The following ARMH3 variants were observed in gnomAD, a reference collection of about 807,000 sequenced individuals.
ARMH3 encodes armadillo like helical domain containing 3, also known as armadillo-like helical domain-containing protein 3.
ARMH3 carries 60 observed loss-of-function variants against 99.1 expected under a neutral mutation model. The observed-to-expected ratio is 0.61, with a 90% CI of 0.49 to 0.75. The LOEUF (loss-of-function observed/expected upper bound fraction) is 0.75, where lower values mean the gene tolerates loss of function less well. Among genes scored for constraint, ARMH3 ranks in the 30% least tolerant of loss-of-function variants. The probability of loss-of-function intolerance (pLI) is 0.00; values close to 1 mark genes in which losing one functional copy is unlikely to be tolerated. For synonymous variants in ARMH3, 285 were observed against 292.8 expected, an observed-to-expected ratio of 0.97 and a Z score of 0.27; for missense variants, 679 against 843.1, an observed-to-expected ratio of 0.81 and a Z score of 2.41.
chr10:101,955,892 A>C (rs1276754418), intron 22 of ARMH3, among the ~76,000 whole-genome samples: 6 of 148,418 alleles, frequency 4.0e-5, no homozygotes, highest in African/African-American at 1.5e-4. Context: ...TATAATTAAA[A>C]TGTGTGCAGT....
At chr10:102,050,876 G>T (rs762901705) in intron 1 of ARMH3, among the ~76,000 whole-genome samples, 8 of 142,224 alleles carry the variant, frequency 5.6e-5, no homozygotes, top group Non-Finnish European at 1.1e-4. Context: ...AAAAAAAAAA[G>T]GCCAGGCATG....
intron 1 of ARMH3, among the ~76,000 whole-genome samples, chr10:102,052,680 C>G (rs150132632): frequency 1.3e-5 from 2 of 152,270 alleles, no homozygotes; most frequent in African/African-American, 4.8e-5. Context: ...ACAGTCCCTG[C>G]CTTGAGAAGC....
At chr10:101,965,665 A>T (rs1340912346) in intron 20 of ARMH3, among the ~76,000 whole-genome samples, 1 of 152,224 alleles carries the variant, frequency 6.6e-6, no homozygotes, top group Non-Finnish European at 1.5e-5. Flanking sequence ...CTGCAGTAAA[A>T]TATTTGAGGT....
intron 22 of ARMH3, among the ~76,000 whole-genome samples, chr10:101,951,218 C>G (rs113645342): frequency 1.3e-5 from 2 of 152,142 alleles, no homozygotes; most frequent in African/African-American, 4.8e-5. Context: ...TCAGTTTTCC[C>G]CAAAATGATC....
At chr10:102,032,206 T>C (rs1313671977) in intron 4 of ARMH3, among the ~76,000 whole-genome samples, 1 of 152,198 alleles carries the variant, frequency 6.6e-6, no homozygotes, top group Non-Finnish European at 1.5e-5. Context: ...ACAAGGAGTA[T>C]TCTACTCACT....
chr10:101,991,315 A>T (rs1481117544), intron 18 of ARMH3, among the ~76,000 whole-genome samples: 1 of 152,192 alleles, frequency 6.6e-6, no homozygotes, highest in Non-Finnish European at 1.5e-5. Context: ...AGTTTTGTAT[A>T]TGTAAACCAT....
At chr10:101,996,668 T>A (rs1590156039) in intron 15 of ARMH3, among the ~76,000 whole-genome samples, 1 of 149,336 alleles carries the variant, frequency 6.7e-6, no homozygotes, top group Non-Finnish European at 1.5e-5. Flanking sequence ...AAATTTTTTT[T>A]AATTTTAAAA....
intron 12 of ARMH3, 133 bp downstream of exon 12, chr10:102,009,844 G>GA (rs1227446328): frequency 1.3e-5 from 12 of 914,294 alleles, no homozygotes; most frequent in Middle Eastern, 2.4e-4. Flanking sequence ...CAAAACCCAT[G>GA]AAACATTTGA....
chr10:101,915,598 G>T (rs974810639), intron 23 of ARMH3, among the ~76,000 whole-genome samples: 1 of 152,112 alleles, frequency 6.6e-6, no homozygotes, highest in African/African-American at 2.4e-5. Context: ...TGGCAGAAAG[G>T]GAGGAAGGAG....
rs530985973 is a variant in ARMH3 at position 101,865,088 on chromosome 10, C to T, written c.1861-15196G>A. Among the ~76,000 whole-genome samples, 100 of 151,534 alleles carry T rather than the reference C, an allele frequency of 6.6e-4. 1 individual carries two copies. The highest frequency in any genetic ancestry group is 4.3e-3 in the East Asian group (22 of 5,152). ...AAAATTAGCCAGGCATGGTGGTGGG[C>T]GCCTGTAATCCCAGCTACTCGAGAG... On this transcript the variant is annotated intron_variant, in intron 24 of 25. Transcript: ENST00000370033.
intron 19 of ARMH3, among the ~76,000 whole-genome samples, chr10:101,989,827 A>G (rs1846690454): frequency 6.6e-6 from 1 of 152,256 alleles, no homozygotes; most frequent in Admixed American, 6.5e-5. Context: ...TGCCCAGATA[A>G]TAGGGCTCCA....
chr10:102,025,935 A>G (rs766388509), intron 5 of ARMH3, among the ~76,000 whole-genome samples: 94 of 152,270 alleles, frequency 6.2e-4, no homozygotes, highest in African/African-American at 2.2e-3. Flanking sequence ...GTGAACCACT[A>G]TGCCTGGCAA....
chr10:101,990,288 A>G (rs1846728721), intron 19 of ARMH3, among the ~76,000 whole-genome samples: 1 of 148,980 alleles, frequency 6.7e-6, no homozygotes, highest in Non-Finnish European at 1.5e-5. Flanking sequence ...GGTTCACGCC[A>G]TACTCCTGCC....
chr10:102,040,259 A>G (rs1299296939), intron 1 of ARMH3, 134 bp from the exon 2 acceptor site: 2 of 720,692 alleles, frequency 2.8e-6, no homozygotes, highest in African/African-American at 1.8e-5. Context: ...TAAACTGTGG[A>G]CTTTGGGTGG....
At chr10:101,919,503 CTT>C (rs1564751871) in intron 23 of ARMH3, among the ~76,000 whole-genome samples, 1 of 152,150 alleles carries the variant, frequency 6.6e-6, no homozygotes, top group Non-Finnish European at 1.5e-5. Context: ...CTCTCGCTGA[CTT>C]TATTTCTCTC....
intron 2 of ARMH3, among the ~76,000 whole-genome samples, chr10:102,036,439 G>A (rs898344081): frequency 8.5e-5 from 13 of 152,308 alleles, no homozygotes; most frequent in African/African-American, 2.9e-4. Context: ...AGAAAAGGGG[G>A]AAAGGTGGGG....
intron 19 of ARMH3, among the ~76,000 whole-genome samples, chr10:101,989,129 T>C (rs1333086985): frequency 6.6e-6 from 1 of 152,164 alleles, no homozygotes; most frequent in African/African-American, 2.4e-5. Flanking sequence ...AAAGATAATA[T>C]ACATATTTGA....
chr10:101,846,314 T>G lies in ARMH3; in HGVS notation c.*1214A>C, dbSNP rs1472199093. 9.0e-6 allele frequency: 1 copy of G among 111,226 alleles called. No individual in the cohort carries two copies. Among genetic ancestry groups the G allele is most frequent in the African/African-American group, 3.6e-5 (1 of 27,654 alleles). The allele number at this position is 111,226 out of a possible 1,614,324, so 6.9% of individuals were successfully genotyped here. On this transcript the variant is annotated 3_prime_UTR_variant, in exon 26 of 26. Transcript: ENST00000370033. ...TGTAAACAACAGCAGGGTAAGGGGG[T>G]GGAACACGTGGAGGGGAGCTCAGCA...
chr10:101,952,067 T>C (rs1001479435), intron 22 of ARMH3, among the ~76,000 whole-genome samples: 1 of 152,082 alleles, frequency 6.6e-6, no homozygotes, highest in Admixed American at 6.6e-5. Flanking sequence ...AACCTCCCTG[T>C]CCCCCAACTT....
Sources: allele counts gnomAD v4.1 joint callset (sites outside exome capture counted in the v4.1 genomes callset), GRCh38; gene constraint gnomAD v4.1.1; transcripts MANE v1.5; gene names NCBI Gene and HGNC (gene_info 2026-07-23, HGNC 2026-07-21).